Variants in AATK observed in about 807,000 individuals in gnomAD.
AATK encodes the protein serine/threonine-protein kinase LMTK1.
A neutral mutation model predicts 114.3 loss-of-function variants in AATK; 91 were observed. The ratio of observed to expected loss-of-function variants is 0.80; its 90% CI spans 0.67 to 0.95. The LOEUF (loss-of-function observed/expected upper bound fraction) is 0.95. Among genes scored for constraint, AATK ranks in the 40% least tolerant of loss-of-function variants. The pLI, the probability that AATK is intolerant of heterozygous loss-of-function variation, is 0.00. For missense variants in AATK, 2,176 were observed against 1,965.2 expected (o/e 1.11, Z -2.03); for synonymous variants, 1,075 against 916.5 (o/e 1.17, Z -3.12).
intron 1 of AATK, chr17:81,165,673 C>G (rs2659034): frequency 0.32 from 488,662 of 1,507,572 alleles, 82,485 homozygotes; most frequent in Admixed American, 0.44. Context: ...CCCTCCGTGC[C>G]CCAGTTACCT....
chr17:81,134,628 C>T, intron 1 of AATK, 127 bp from the exon 2 acceptor site: 1 of 1,252,122 alleles, frequency 8.0e-7, no homozygotes, highest in Non-Finnish European at 1.1e-6. Context: ...ACCCTGACCT[C>T]TCACCCCAGA....
chr17:81,119,475 G>GGGCGTGGGCGCGGGCA lies in AATK; in HGVS notation c.3988_3989insTGCCCGCGCCCACGCC (p.Thr1330MetfsTer30). The GGGCGTGGGCGCGGGCA allele has an allele frequency of 6.6e-7, 1 of 1,516,212 alleles. No individual in the cohort carries two copies. The highest frequency in any genetic ancestry group is 8.8e-7 in the Non-Finnish European group (1 of 1,135,470). 93.9% of individuals were successfully genotyped at this position (1,516,212 alleles called of 1,614,324 possible). A position where few individuals can be genotyped will look rare whatever the true frequency, so the allele number is the denominator to read the frequency against. ...CGTGAAGCGCGAGAAGGGAGCGGGC[G>GGGCGTGGGCGCGGGCA]TGGGCGTGGGCGCAGCCGGGGCGGG... On this transcript the variant is annotated frameshift_variant, in exon 13 of 14. Transcript: ENST00000326724. LOFTEE classifies it high-confidence loss of function.
Position 81,121,285 on chromosome 17 carries a change from G to A in AATK, c.2651C>T (p.Pro884Leu), listed in dbSNP as rs61738824. 4,113 of 1,611,434 alleles carry A rather than the reference G, an allele frequency of 2.6e-3. 95 individuals carry two copies. In the African/African-American group the frequency reaches 0.048, roughly 19 times the overall value. Residue 884 changes from proline (P) to leucine (L), a missense_variant, in exon 11 of 14, where the codon CCG becomes CTG. Physicochemically the swap from Pro to Leu is moderately conservative, Grantham distance 98. Coordinates refer to ENST00000326724, the MANE Select transcript of AATK (RefSeq NM_001080395.3). Reference protein sequence around the residue: ...TSSDGLQARRPDVVPAFRSLQ... With the variant: ...TSSDGLQARRLDVVPAFRSLQ... ...AGAGCGGAAGGCTGGCACCACATCC[G>A]GCCTCCTGGCCTGCAGGCCGTCGCT...
At chr17:81,157,213 A>T (rs1264962679) in intron 1 of AATK, among the ~76,000 whole-genome samples, 1 of 152,102 alleles carries the variant, frequency 6.6e-6, no homozygotes, top group Non-Finnish European at 1.5e-5. Flanking sequence ...CAGGCCAGCC[A>T]CGGTTATTTT....
At chr17:81,138,129 A>G (rs902684622) in intron 1 of AATK, among the ~76,000 whole-genome samples, 78 of 147,734 alleles carry the variant, frequency 5.3e-4, no homozygotes, top group Non-Finnish European at 1.1e-3. Context: ...CATACCCCAC[A>G]CACACATGCA....
chr17:81,133,567 A>G (rs1235241021), intron 2 of AATK, among the ~76,000 whole-genome samples: 1 of 152,048 alleles, frequency 6.6e-6, no homozygotes, highest in Non-Finnish European at 1.5e-5. Flanking sequence ...CGTGTGAACC[A>G]CCAGAGGTCC....
Position 81,122,604 on chromosome 17 carries a change from G to A in AATK, c.1332C>T (p.Ala444=), listed in dbSNP as rs1447484866. 1 of 1,427,710 alleles carries A rather than the reference G, an allele frequency of 7.0e-7. No individual in the cohort carries two copies. The highest frequency in any genetic ancestry group is 9.3e-7 in the Non-Finnish European group (1 of 1,080,438). 88.4% of individuals were successfully genotyped at this position (1,427,710 alleles called of 1,614,324 possible). Residue 444 remains alanine (A), a synonymous_variant, in exon 11 of 14, where the codon GCC becomes GCT. Transcript: ENST00000326724. ...MLGGVVELAA[A]SSFPLLEQFA... is the part of the protein sequence containing the mutation. ...ACTGCTCCAGCAGCGGGAAGGACGA[G>A]GCAGCGGCGAGCTCCACCACGCCGC...
chr17:81,158,959 T>G (rs7209950), intron 1 of AATK, among the ~76,000 whole-genome samples: 24,509 of 151,938 alleles, frequency 0.16, 2,911 homozygotes, highest in African/African-American at 0.33. Flanking sequence ...AGCGAAAACC[T>G]CAGGGCCCAA....
At chr17:81,162,362 G>A (rs1052808505) in intron 1 of AATK, among the ~76,000 whole-genome samples, 1 of 152,152 alleles carries the variant, frequency 6.6e-6, no homozygotes, top group African/African-American at 2.4e-5. Flanking sequence ...CCCCGGGGGC[G>A]AGAGGAGGAC....
At chr17:81,137,582 A>T (rs1247673759) in intron 1 of AATK, among the ~76,000 whole-genome samples, 3 of 152,100 alleles carry the variant, frequency 2.0e-5, no homozygotes. Context: ...TGTAAGACAG[A>T]CCAGGCTCTG....
At position 81,117,415 on chromosome 17, in the gene AATK, C is replaced by T. The variant is rs1412011408; in HGVS notation, c.*987G>A. On this transcript the variant is annotated 3_prime_UTR_variant, in exon 14 of 14. Coordinates refer to ENST00000326724, the MANE Select transcript of AATK (RefSeq NM_001080395.3). The stretch of plus-strand genomic sequence containing the variant: ...CCCTGCGAAGCAACAATAAACTTTA[C>T]ATCTCTTTGGCAACAATAACTTAAA... 1 of 152,324 alleles carries T rather than the reference C, an allele frequency of 6.6e-6. No homozygotes were observed. Among genetic ancestry groups the T allele is most frequent in the Non-Finnish European group, 1.5e-5 (1 of 68,062 alleles). The allele number at this position is 152,324 out of a possible 1,614,324, so 9.4% of individuals were successfully genotyped here.
chr17:81,162,720 C>CCAGGCA (rs772092348), intron 1 of AATK, among the ~76,000 whole-genome samples: 1 of 152,216 alleles, frequency 6.6e-6, no homozygotes, highest in Non-Finnish European at 1.5e-5. Flanking sequence ...AGCACCGTGG[C>CCAGGCA]CAGGCACAGG....
At chr17:81,140,924 A>G (rs909187955) in intron 1 of AATK, among the ~76,000 whole-genome samples, 2,834 of 43,346 alleles carry the variant, frequency 0.065, 217 homozygotes, top group Middle Eastern at 0.15. Flanking sequence ...GGGCCGTGGG[A>G]CCGTGGGACC....
Position 81,122,403 on chromosome 17 carries a change from C to G in AATK, c.1533G>C (p.Ala511=). 6.8e-7 allele frequency: 1 copy of G among 1,470,228 alleles called. No individual in the cohort carries two copies. Among genetic ancestry groups the G allele is most frequent in the Non-Finnish European group, 9.0e-7 (1 of 1,114,522 alleles). The allele number at this position is 1,470,228 out of a possible 1,614,324, so 91.1% of individuals were successfully genotyped here. A position where few individuals can be genotyped will look rare whatever the true frequency, so the allele number is the denominator to read the frequency against. Residue 511 remains alanine (A), a synonymous_variant, in exon 11 of 14, where the codon GCG becomes GCC. Transcript: ENST00000326724. ...RLQELCAPDG[A]PPGVVPVLSA... is the part of the protein sequence containing the mutation. ...TGAGCACCGGAACCACGCCCGGGGG[C>G]GCGCCGTCGGGGGCGCACAGCTCCT...
intron 1 of AATK, among the ~76,000 whole-genome samples, chr17:81,138,074 C>A (rs1422986416): frequency 6.8e-6 from 1 of 146,274 alleles, no homozygotes; most frequent in African/African-American, 2.5e-5. Flanking sequence ...GCACCCGGAC[C>A]CACACCTGTG....
chr17:81,135,630 G>C (rs1439396274), intron 1 of AATK: 1 of 152,300 alleles, frequency 6.6e-6, no homozygotes, highest in Admixed American at 6.5e-5. Flanking sequence ...AGGGCTGCCC[G>C]AGGTGGCACA....
intron 1 of AATK, among the ~76,000 whole-genome samples, chr17:81,151,756 G>T (rs892135289): frequency 3.3e-5 from 5 of 152,222 alleles, no homozygotes; most frequent in African/African-American, 1.2e-4. Context: ...GTTGCATCGT[G>T]TTAGGCAGAG....
In AATK at chr17:81,131,197, C is replaced by T. The variant is rs1383946138; in HGVS notation, c.198G>A (p.Glu66=). The change falls in exon 3 of 14, where the codon GAG becomes GAA. Residue 66 remains glutamate (E), a synonymous_variant. Transcript: ENST00000326724. ...KKGGIGFKEF[E]NAEGDEYAAD... ...CTGCGTACTCGTCCCCCTCCGCATT[C>T]TCAAACTCCTGCGGGCCGGGCCGGG... is the stretch of plus-strand genomic sequence containing the variant. The T allele has an allele frequency of 1.9e-6, 3 of 1,578,310 alleles. No individual in the cohort carries two copies. The South Asian group carries it at 3.5e-5, about 18-fold the overall frequency.
rs574955059 is a variant in AATK at position 81,121,240 on chromosome 17, G to T, written c.2696C>A (p.Thr899Asn). The T allele has an allele frequency of 4.0e-5, 64 of 1,607,916 alleles. No homozygotes were observed. The East Asian group carries it at 1.3e-3, about 33-fold the overall frequency. Residue 899 changes from threonine (T) to asparagine (N), a missense_variant, in exon 11 of 14, where the codon ACC becomes AAC. Thr to Asn is a moderately conservative substitution (Grantham distance 65, BLOSUM62 0). Around this residue, in one of 4 missense-constraint regions of AATK, gnomAD observed 1,701 missense variants for 1,394.7 expected, o/e 1.22. Coordinates refer to ENST00000326724, the MANE Select transcript of AATK (RefSeq NM_001080395.3). ...GTCCAGGGAGTCCAGGGAGTCGGGGGTCCCCACCTGCTTCTGCAGAGAGCG... is the reference window on the plus strand; with the variant it reads ...GTCCAGGGAGTCCAGGGAGTCGGGGTTCCCCACCTGCTTCTGCAGAGAGCG... ...AFRSLQKQVG[T>N]PDSLDSLDIP...
Sources: allele counts gnomAD v4.1 joint callset (sites outside exome capture counted in the v4.1 genomes callset), GRCh38; gene constraint gnomAD v4.1.1; regional missense constraint gnomAD v4.1.1; transcripts MANE v1.5; gene names NCBI Gene and HGNC (gene_info 2026-07-23, HGNC 2026-07-21).